The following ZNF365 variants were observed in gnomAD, a reference collection of about 807,000 sequenced individuals.
The protein encoded by ZNF365 is protein ZNF365.
A neutral mutation model predicts 35.0 loss-of-function variants in ZNF365; 22 were observed. That is an observed-to-expected ratio of 0.63 (90% CI 0.45 to 0.90). The LOEUF (loss-of-function observed/expected upper bound fraction) is 0.90. ZNF365 is among the 40% of genes least tolerant of loss of function. The probability of loss-of-function intolerance (pLI) is 0.00; values close to 1 mark genes in which losing one functional copy is unlikely to be tolerated. For missense variants in ZNF365, 448 were observed against 500.3 expected (o/e 0.90, Z 1.00); for synonymous variants, 188 against 196.2 (o/e 0.96, Z 0.35).
chr10:62,395,034 A>G (rs1486371043), intron 3 of ZNF365, among the ~76,000 whole-genome samples: 1 of 152,164 alleles, frequency 6.6e-6, no homozygotes, highest in Non-Finnish European at 1.5e-5. Flanking sequence ...TAGAGTCAGA[A>G]TCTTCTGCTT....
In ZNF365 at chr10:62,467,592, C is replaced by T. The variant is rs555813077; in HGVS notation, c.981+7795C>T. Among the ~76,000 whole-genome samples the T allele has an allele frequency of 3.4e-4, 51 of 152,230 alleles. No individual in the cohort carries two copies. The Middle Eastern group carries it at 0.01, about 30-fold the overall frequency. ...CAAGAGTGTACAGGTATATGATATG[C>T]GTACTACACATATGGGTTGAGGGAT... On this transcript the variant is annotated intron_variant, in intron 4 of 4. Coordinates refer to the ZNF365 transcript ENST00000395255.
intron 4 of ZNF365, among the ~76,000 whole-genome samples, chr10:62,473,969 T>A (rs1423102097): frequency 6.6e-6 from 1 of 152,162 alleles, no homozygotes; most frequent in Admixed American, 6.5e-5. Flanking sequence ...TTGTCCTCAG[T>A]CTTCTCTCCT....
chr10:62,480,101 C>T (rs1432760299), exon 5 of ZNF365: 6 of 1,325,370 alleles, frequency 4.5e-6, no homozygotes, highest in Non-Finnish European at 5.9e-6. Flanking sequence ...CCAGGTCCTC[C>T]CTAACAAGAC....
chr10:62,421,622 G>A (rs10740078), intron 3 of ZNF365, among the ~76,000 whole-genome samples: 93,529 of 152,056 alleles, frequency 0.62, 29,469 homozygotes, highest in East Asian at 0.84. Context: ...CATACTCACT[G>A]TTGAAGTAAA....
chr10:62,408,915 C>T (rs1298902670), intron 3 of ZNF365, among the ~76,000 whole-genome samples: 1 of 152,144 alleles, frequency 6.6e-6, no homozygotes, highest in Non-Finnish European at 1.5e-5. Flanking sequence ...GTCAAGATAG[C>T]GTCTCTGATC....
At chr10:62,455,758 C>T (rs1840752533) in intron 3 of ZNF365, among the ~76,000 whole-genome samples, 1 of 152,072 alleles carries the variant, frequency 6.6e-6, no homozygotes, top group Non-Finnish European at 1.5e-5. Context: ...TTATTTAATT[C>T]TCACAGCAAC....
intron 3 of ZNF365, among the ~76,000 whole-genome samples, chr10:62,395,547 G>A (rs148412988): frequency 0.01 from 1,516 of 148,916 alleles, 24 homozygotes; most frequent in Middle Eastern, 0.034. Context: ...GTAGAGACGG[G>A]GGTTTCACCA....
chr10:62,399,627 A>G lies in ZNF365; in HGVS notation c.1062A>G (p.Arg354=). ...ACCTGAAAAAGGCCAAGGATGACAG[A>G]GCCAGCATGCAGCCTGCCAAGGCCA... ...RNHLKKAKDD[R]ASMQPAKAIH... The change falls in exon 5 of 5, where the codon AGA becomes AGG. Residue 354 remains arginine (R), a synonymous_variant. Coordinates refer to ENST00000395254, the MANE Select transcript of ZNF365 (RefSeq NM_014951.3). The G allele has an allele frequency of 1.9e-6, 3 of 1,614,192 alleles. No homozygotes were observed. The highest frequency in any genetic ancestry group is 2.5e-6 in the Non-Finnish European group (3 of 1,180,038).
chr10:62,398,944 A>G (rs1201265649), intron 4 of ZNF365, among the ~76,000 whole-genome samples, 167 bp downstream of exon 4: 1 of 152,176 alleles, frequency 6.6e-6, no homozygotes, highest in East Asian at 1.9e-4. Flanking sequence ...CTTTGTGAAA[A>G]GTTGATGTGA....
At position 62,441,326 on chromosome 10, in the gene ZNF365, C is replaced by A. The variant is rs116000150; in HGVS notation, c.925-18415C>A. ...CCAGGTCCCACGTTGTTCATGAAGCCTTCTTTGACTTTTTGCATCGATTTT... is the reference window on the plus strand; with the variant it reads ...CCAGGTCCCACGTTGTTCATGAAGCATTCTTTGACTTTTTGCATCGATTTT... On this transcript the variant is annotated intron_variant, in intron 3 of 4. Coordinates refer to the ZNF365 transcript ENST00000395255. Among the ~76,000 whole-genome samples the A allele has an allele frequency of 7.1e-3, 1,076 of 152,252 alleles. 9 individuals carry two copies. Among genetic ancestry groups the A allele is most frequent in the African/African-American group, 0.025 (1,028 of 41,546 alleles).
intron 3 of ZNF365, among the ~76,000 whole-genome samples, chr10:62,409,054 C>T (rs1252151244): frequency 6.6e-6 from 1 of 152,156 alleles, no homozygotes. Flanking sequence ...GTAGGGCCAT[C>T]TCCTACTTAG....
Position 62,402,203 on chromosome 10 carries a change from G to A in ZNF365, c.*2414G>A. On this transcript the variant is annotated 3_prime_UTR_variant, in exon 5 of 5. Coordinates refer to ENST00000395254, the MANE Select transcript of ZNF365 (RefSeq NM_014951.3). The stretch of plus-strand genomic sequence containing the variant: ...GGGAAACTATGTTCAAGGTTGAAAT[G>A]GAGAGTAGATTTAATTTTATTTGTC... 2 of 985,986 alleles carry A rather than the reference G, an allele frequency of 2.0e-6. No individual in the cohort carries two copies. The highest frequency in any genetic ancestry group is 2.4e-6 in the Non-Finnish European group (2 of 829,914). The allele number at this position is 985,986 out of a possible 1,614,324, so 61.1% of individuals were successfully genotyped here. A position where few individuals can be genotyped will look rare whatever the true frequency, so the allele number is the denominator to read the frequency against.
intron 3 of ZNF365, among the ~76,000 whole-genome samples, chr10:62,421,683 AT>A (rs1465977881): frequency 6.6e-6 from 1 of 152,228 alleles, no homozygotes; most frequent in Non-Finnish European, 1.5e-5. Context: ...CTTTCTCCAA[AT>A]AGTAAACAAT....
intron 4 of ZNF365, among the ~76,000 whole-genome samples, chr10:62,470,866 T>A (rs1046528958): frequency 2.0e-5 from 3 of 152,166 alleles, no homozygotes; most frequent in Non-Finnish European, 2.9e-5. Context: ...TTTTAATGTG[T>A]TGCAAAAAAT....
At chr10:62,471,180 C>T (rs576921635) in intron 4 of ZNF365, among the ~76,000 whole-genome samples, 193 of 152,060 alleles carry the variant, frequency 1.3e-3, no homozygotes, top group Non-Finnish European at 2.2e-3. Flanking sequence ...TCCTGGCTAA[C>T]ATGGTGAAAC....
At chr10:62,391,176 C>T (rs759541052) in intron 3 of ZNF365, among the ~76,000 whole-genome samples, 61 of 152,188 alleles carry the variant, frequency 4.0e-4, no homozygotes, top group Non-Finnish European at 5.0e-4. Context: ...CAGCTTAAAA[C>T]ACAAACATTA....
rs1334919868 is a variant in ZNF365 at position 62,376,624 on chromosome 10, C to T, written c.431C>T (p.Ser144Leu). 8.1e-6 allele frequency: 13 copies of T among 1,614,022 alleles called. No homozygotes were observed. The East Asian group carries it at 1.3e-4, about 17-fold the overall frequency. Residue 144 changes from serine to leucine, a missense_variant, in exon 2 of 5, where the codon TCG becomes TTG. Around this residue, in one of 3 missense-constraint regions of ZNF365, gnomAD observed 362 missense variants for 375.7 expected, o/e 0.96. Coordinates refer to ENST00000395254, the MANE Select transcript of ZNF365 (RefSeq NM_014951.3). ...GCAGACTCGCTGGATGGGACACGGT[C>T]GGGTCCTGGACTGCCCACCTCAGAC... ...LHADSLDGTR[S>L]GPGLPTSDTK...
chr10:62,461,282 C>T (rs540904493), intron 4 of ZNF365, among the ~76,000 whole-genome samples: 1 of 152,284 alleles, frequency 6.6e-6, no homozygotes, highest in South Asian at 2.1e-4. Context: ...GAGCCTAGCG[C>T]TGGAGGAGCT....
chr10:62,384,646 G>A (rs1368771108), intron 2 of ZNF365, among the ~76,000 whole-genome samples: 3 of 152,194 alleles, frequency 2.0e-5, no homozygotes, highest in Non-Finnish European at 4.4e-5. Flanking sequence ...CAGATACATA[G>A]TAGGAAATGG....
Sources: gnomAD v4.1 joint callset for allele counts (sites outside exome capture counted in the v4.1 genomes callset) on GRCh38, gnomAD v4.1.1 for gene constraint, gnomAD v4.1.1 regional missense constraint, MANE v1.5 for transcripts, NCBI Gene and HGNC (gene_info 2026-07-23, HGNC 2026-07-21) for gene names.